The following MYO1D variants were observed in gnomAD, a reference collection of about 807,000 sequenced individuals.
The protein encoded by MYO1D is unconventional myosin-Id.
MYO1D carries 83 observed loss-of-function variants against 122.0 expected under a neutral mutation model. The observed-to-expected ratio is 0.68, with a 90% CI of 0.57 to 0.82. The LOEUF (loss-of-function observed/expected upper bound fraction) is 0.82, where lower values mean the gene tolerates loss of function less well. MYO1D is among the 40% of genes least tolerant of loss of function. MYO1D has a pLI of 0.00. For missense variants in MYO1D, 1,157 were observed against 1,269.5 expected, an observed-to-expected ratio of 0.91 and a Z score of 1.35; for synonymous variants, 464 against 446.9, an observed-to-expected ratio of 1.04 and a Z score of -0.48.
At chr17:32,617,601 C>T (rs1349007992) in intron 20 of MYO1D, among the ~76,000 whole-genome samples, 2 of 152,022 alleles carry the variant, frequency 1.3e-5, no homozygotes, top group Admixed American at 6.5e-5. Context: ...CCACCATGCC[C>T]GGGTAATTTT....
intron 1 of MYO1D, among the ~76,000 whole-genome samples, chr17:32,781,734 CA>C (rs35583086): frequency 0.023 from 2,491 of 108,312 alleles, 32 homozygotes; most frequent in African/African-American, 0.056. Context: ...GGCCACAGGA[CA>C]AAAAAAAAAA....
chr17:32,533,741 C>T (rs1910578379), intron 21 of MYO1D, among the ~76,000 whole-genome samples: 1 of 152,148 alleles, frequency 6.6e-6, no homozygotes, highest in Non-Finnish European at 1.5e-5. Context: ...GCTCTCTGCT[C>T]CCTCCTGGCT....
In MYO1D at chr17:32,573,674, C is replaced by T. The variant is rs569745854; in HGVS notation, c.2864+31413G>A. 1.7e-3 allele frequency among the ~76,000 whole-genome samples: 255 copies of T among 152,202 alleles called. 1 individual carries two copies. Among genetic ancestry groups the T allele is most frequent in the African/African-American group, 6.1e-3 (252 of 41,510 alleles). ...AGATGGGATGACAGGCATGTGCCAC[C>T]ACTTTCGGCTAATTTATTTATTTTT... On this transcript the variant is annotated intron_variant, in intron 21 of 21. Coordinates refer to ENST00000318217, the MANE Select transcript of MYO1D (RefSeq NM_015194.3).
intron 7 of MYO1D, among the ~76,000 whole-genome samples, chr17:32,766,482 GA>G (rs1463270736): frequency 6.6e-6 from 1 of 151,966 alleles, no homozygotes; most frequent in Non-Finnish European, 1.5e-5. Flanking sequence ...GTAAATTCTA[GA>G]ATCAACAGGT....
intron 19 of MYO1D, among the ~76,000 whole-genome samples, chr17:32,645,899 A>T (rs909622641): frequency 1.3e-5 from 2 of 152,210 alleles, no homozygotes; most frequent in Non-Finnish European, 2.9e-5. Flanking sequence ...TTCTTCTCTC[A>T]GCTCGTCAAA....
chr17:32,843,218 T>C (rs2090900787), intron 1 of MYO1D, among the ~76,000 whole-genome samples: 1 of 152,164 alleles, frequency 6.6e-6, no homozygotes, highest in Admixed American at 6.6e-5. Context: ...AGGACAGGAA[T>C]TCCTCTTAAA....
intron 21 of MYO1D, among the ~76,000 whole-genome samples, chr17:32,508,291 T>C (rs1443823703): frequency 6.6e-6 from 1 of 152,040 alleles, no homozygotes; most frequent in Non-Finnish European, 1.5e-5. Context: ...TCTTTTTTTT[T>C]TGAGACAGAG....
rs528622929 is a variant in MYO1D, at chr17:32,649,561, T to A, written c.2595+4282A>T. Reference sequence around the variant, plus strand: ...ATTGTATGGCTAAACCACATTTTCTTTCTTTCTTTTTTTTTTTTTTTTTTT... The same window carrying A: ...ATTGTATGGCTAAACCACATTTTCTATCTTTCTTTTTTTTTTTTTTTTTTT... On this transcript the variant is annotated intron_variant, in intron 19 of 21. Transcript: ENST00000318217. Among the ~76,000 whole-genome samples the A allele has an allele frequency of 4.2e-5, 6 of 141,340 alleles. No homozygotes were observed. The East Asian group carries it at 1.1e-3, about 26-fold the overall frequency. The allele number at this position is 141,340 out of a possible 152,430, so 92.7% of individuals were successfully genotyped here.
At chr17:32,676,004 T>C (rs1597995713) in intron 16 of MYO1D, among the ~76,000 whole-genome samples, 1 of 152,232 alleles carries the variant, frequency 6.6e-6, no homozygotes, top group South Asian at 2.1e-4. Context: ...TACTCAAATA[T>C]GAAATTCAGT....
intron 8 of MYO1D, among the ~76,000 whole-genome samples, chr17:32,762,752 T>A (rs1158172856): frequency 6.6e-6 from 1 of 151,626 alleles, no homozygotes; most frequent in African/African-American, 2.4e-5. Context: ...CGGGTGCCTG[T>A]AATCCTAGCT....
intron 20 of MYO1D, among the ~76,000 whole-genome samples, chr17:32,635,564 G>A (rs1368525215): frequency 6.6e-6 from 1 of 152,062 alleles, no homozygotes; most frequent in South Asian, 2.1e-4. Context: ...ACGGTGGCAG[G>A]TGCCTGTAAT....
chr17:32,566,942 C>T (rs183229956), intron 21 of MYO1D, among the ~76,000 whole-genome samples: 1 of 150,684 alleles, frequency 6.6e-6, no homozygotes, highest in African/African-American at 2.5e-5. Flanking sequence ...AGGTGGGGAG[C>T]GGCAGAGCTG....
intron 6 of MYO1D, among the ~76,000 whole-genome samples, 193 bp from the exon 7 acceptor site, chr17:32,767,945 C>T (rs190389177): frequency 3.3e-5 from 5 of 152,312 alleles, no homozygotes; most frequent in East Asian, 3.9e-4. Context: ...CCCACTTGTG[C>T]GTGAAAGCCA....
At chr17:32,578,623 C>G (rs1456750885) in intron 21 of MYO1D, among the ~76,000 whole-genome samples, 1 of 152,186 alleles carries the variant, frequency 6.6e-6, no homozygotes, top group Non-Finnish European at 1.5e-5. Context: ...TCCATTTAAT[C>G]TTTTTATTAA....
chr17:32,754,864 C>T (rs984219015), intron 11 of MYO1D, among the ~76,000 whole-genome samples: 15 of 152,192 alleles, frequency 9.9e-5, no homozygotes. Context: ...AATGATATGT[C>T]CATATCAGCA....
At chr17:32,757,257 C>T (rs2089957889) in intron 10 of MYO1D, among the ~76,000 whole-genome samples, 1 of 152,026 alleles carries the variant, frequency 6.6e-6, no homozygotes, top group Admixed American at 6.6e-5. Flanking sequence ...GTTTTTTATA[C>T]TTTTCTGATC....
intron 21 of MYO1D, among the ~76,000 whole-genome samples, chr17:32,500,586 C>T (rs960042289): frequency 4.6e-5 from 7 of 152,124 alleles, no homozygotes; most frequent in Non-Finnish European, 1.0e-4. Flanking sequence ...TGAGTGACTA[C>T]GTGTGTTGAG....
intron 21 of MYO1D, among the ~76,000 whole-genome samples, chr17:32,506,757 G>A (rs1455549914): frequency 6.6e-6 from 1 of 152,210 alleles, no homozygotes; most frequent in African/African-American, 2.4e-5. Flanking sequence ...AGTTTAGGTA[G>A]GGAATATGAT....
intron 11 of MYO1D, among the ~76,000 whole-genome samples, chr17:32,751,524 AC>A (rs1432613505): frequency 1.3e-5 from 2 of 152,192 alleles, no homozygotes; most frequent in African/African-American, 4.8e-5. Flanking sequence ...AACCCTAAAG[AC>A]TTCCAAAAGA....
Sources: gnomAD v4.1 joint callset for allele counts (sites outside exome capture counted in the v4.1 genomes callset) on GRCh38, gnomAD v4.1.1 for gene constraint, MANE v1.5 for transcripts, NCBI Gene and HGNC (gene_info 2026-07-23, HGNC 2026-07-21) for gene names.